The following PPFIBP1 variants were observed in gnomAD, a reference collection of about 807,000 sequenced individuals.
PPFIBP1 encodes PPFIB scaffold protein 1.
Under a neutral mutation model 137.8 loss-of-function variants are expected in PPFIBP1, and 112 were observed. The observed-to-expected ratio is 0.81, with a 90% CI of 0.70 to 0.95. PPFIBP1 has a LOEUF of 0.95. Ranked by LOEUF, PPFIBP1 falls within the 40% of genes least tolerant of loss-of-function variation. The pLI, the probability that PPFIBP1 is intolerant of heterozygous loss-of-function variation, is 0.00. For missense variants in PPFIBP1, 1,083 were observed against 1,196.6 expected (o/e 0.91, Z 1.40); for synonymous variants, 378 against 417.3 (o/e 0.91, Z 1.15).
Position 27,680,002 on chromosome 12 carries a change from G to T in PPFIBP1, c.1836G>T (p.Gly612=), listed in dbSNP as rs1228771666. 2.5e-6 allele frequency: 4 copies of T among 1,613,994 alleles called. No homozygotes were observed. The highest frequency in any genetic ancestry group is 2.5e-6 in the Non-Finnish European group (3 of 1,179,994). ...CTGAGCCTGAATTCAAAAGAGGAGG[G>T]ACAAGGGCAACCGCGGGGCCCCGAT... ...DMSEPEFKRG[G]TRATAGPRLG... The change falls in exon 21 of 30, where the codon GGG becomes GGT. Residue 612 remains glycine, a synonymous_variant. Coordinates refer to ENST00000228425, the MANE Select transcript of PPFIBP1 (RefSeq NM_003622.4).
intron 27 of PPFIBP1, among the ~76,000 whole-genome samples, chr12:27,691,108 C>A (rs4499042): frequency 2.0e-5 from 3 of 148,694 alleles, no homozygotes; most frequent in South Asian, 2.2e-4. Flanking sequence ...CCAAAAAATT[C>A]TTTTAGCAGT....
At position 27,554,486 on chromosome 12, in the gene PPFIBP1, C is replaced by T. The variant is rs796368530; in HGVS notation, c.-123-23666C>T. On this transcript the variant is annotated intron_variant, in intron 1 of 29. Coordinates refer to ENST00000228425, the MANE Select transcript of PPFIBP1 (RefSeq NM_003622.4). ...TGACAGTCAGAATCCAGAAAATAAT[C>T]CGTACAAACGATGACAATGGTAAAG... Among the ~76,000 whole-genome samples, 7 of 152,238 alleles carry T rather than the reference C, an allele frequency of 4.6e-5. No individual in the cohort carries two copies. The South Asian group carries it at 1.5e-3, about 32-fold the overall frequency.
chr12:27,678,216 CT>C (rs988788563), intron 19 of PPFIBP1, among the ~76,000 whole-genome samples: 11 of 152,086 alleles, frequency 7.2e-5, no homozygotes, highest in African/African-American at 2.7e-4. Flanking sequence ...AACAGTAGCC[CT>C]TGTGTTTGCT....
Position 27,654,553 on chromosome 12 carries a change from A to T in PPFIBP1, c.604-169A>T, listed in dbSNP as rs865898258. The T allele has an allele frequency of 1.1e-4, 91 of 799,056 alleles. No homozygotes were observed. In the African/African-American group the frequency reaches 1.3e-3, roughly 11 times the overall value. 49.5% of individuals were successfully genotyped at this position (799,056 alleles called of 1,614,324 possible). A position where few individuals can be genotyped will look rare whatever the true frequency, so the allele number is the denominator to read the frequency against. ...TTAAAGGAATGTTTTAAATGGAAAGATGCCTTCGTTCTTAAGGAGGTACAT... is the reference window on the plus strand; with the variant it reads ...TTAAAGGAATGTTTTAAATGGAAAGTTGCCTTCGTTCTTAAGGAGGTACAT... On this transcript the variant is annotated intron_variant, in intron 7 of 29. Transcript: ENST00000228425.
In PPFIBP1 at chr12:27,569,625, G is replaced by A. The variant is rs370783015; in HGVS notation, c.-123-8527G>A. Among the ~76,000 whole-genome samples, 26 of 152,132 alleles carry A rather than the reference G, an allele frequency of 1.7e-4. No individual in the cohort carries two copies. The South Asian group carries it at 3.1e-3, about 18-fold the overall frequency. On this transcript the variant is annotated intron_variant, in intron 1 of 29. Transcript: ENST00000228425. ...GGCTGGAGTGCAATGGTACAATCTC[G>A]GCTAACTGCAACCTCTGCCTCCCAG...
intron 2 of PPFIBP1, among the ~76,000 whole-genome samples, chr12:27,585,965 A>G (rs1203936537): frequency 6.6e-6 from 1 of 152,192 alleles, no homozygotes; most frequent in Admixed American, 6.5e-5. Context: ...GATTATAGAG[A>G]GATTCAATGG....
rs1234138149 is a variant in PPFIBP1 at position 27,578,239 on chromosome 12, T to C, written c.-36T>C. ...CAGCTTTAAACCTGCTTTTTAAAAA[T>C]GTAAGTGAACTCACTTCTGGCCATG... On this transcript the variant is annotated splice_region_variant and 5_prime_UTR_variant, in exon 2 of 30. Coordinates refer to ENST00000228425, the MANE Select transcript of PPFIBP1 (RefSeq NM_003622.4). The C allele has an allele frequency of 3.3e-5, 5 of 152,156 alleles. No individual in the cohort carries two copies. Among genetic ancestry groups the C allele is most frequent in the Non-Finnish European group, 7.4e-5 (5 of 68,022 alleles). The allele number at this position is 152,156 out of a possible 1,614,324, so 9.4% of individuals were successfully genotyped here.
intron 12 of PPFIBP1, among the ~76,000 whole-genome samples, chr12:27,664,657 C>T (rs2059750687): frequency 6.6e-6 from 1 of 152,000 alleles, no homozygotes; most frequent in Admixed American, 6.5e-5. Context: ...CGGGGAGTGC[C>T]TCTCTAAGGA....
intron 2 of PPFIBP1, among the ~76,000 whole-genome samples, chr12:27,592,155 C>G (rs7970985): frequency 2.0e-5 from 3 of 152,180 alleles, no homozygotes; most frequent in South Asian, 2.1e-4. Context: ...TGTCCTCACA[C>G]GGGAAATAGC....
intron 4 of PPFIBP1, among the ~76,000 whole-genome samples, chr12:27,641,784 G>A (rs759003060): frequency 3.9e-4 from 60 of 152,214 alleles, no homozygotes; most frequent in Non-Finnish European, 6.9e-4. Context: ...CTAAAAGCAG[G>A]AGGTAAAGAA....
At chr12:27,635,137 T>C in intron 4 of PPFIBP1, 22 bp downstream of exon 4, 1 of 1,612,378 alleles carries the variant, frequency 6.2e-7, no homozygotes, top group South Asian at 1.1e-5. Context: ...CTGTTCCAAA[T>C]TCTGTTATAA....
At position 27,676,443 on chromosome 12, in the gene PPFIBP1, G is replaced by A. The variant is rs754599818; in HGVS notation, c.1426G>A (p.Glu476Lys). 3 of 1,542,058 alleles carry A rather than the reference G, an allele frequency of 1.9e-6. No individual in the cohort carries two copies. In the South Asian group the frequency reaches 3.7e-5, roughly 19 times the overall value. The change falls in exon 18 of 30, where the codon GAA becomes AAA. Residue 476 changes from glutamate (E) to lysine (K), a missense_variant. Coordinates refer to ENST00000228425, the MANE Select transcript of PPFIBP1 (RefSeq NM_003622.4). Reference protein sequence around the residue: ...QKTSEDRAPAESRPFGTLPPR... With the variant: ...QKTSEDRAPAKSRPFGTLPPR... ...TGCCTCTCAGGACAGAGCTCCGGCA[G>A]AAAGCAGGCCATTTGGGACCCTTCC... is the stretch of plus-strand genomic sequence containing the variant.
rs921745826 is a variant in PPFIBP1 at position 27,676,822 on chromosome 12, G to A, written c.1582+223G>A. 19 of 708,304 alleles carry A rather than the reference G, an allele frequency of 2.7e-5. No individual in the cohort carries two copies. The South Asian group carries it at 2.7e-4, about 10-fold the overall frequency. 43.9% of individuals were successfully genotyped at this position (708,304 alleles called of 1,614,324 possible). On this transcript the variant is annotated intron_variant, in intron 18 of 29. Transcript: ENST00000228425. ...CTCTCTCCTGTGGTATAAACTTAGCGGAAAGACCTAAAATCATGATTCCCT... is the reference window on the plus strand; with the variant it reads ...CTCTCTCCTGTGGTATAAACTTAGCAGAAAGACCTAAAATCATGATTCCCT...
At position 27,557,823 on chromosome 12, in the gene PPFIBP1, T is replaced by C. The variant is rs930258679; in HGVS notation, c.-123-20329T>C. ...ATGAAAAATGAGTGATGCAGATGTA[T>C]TGGGGACAAACCTGGAATTACTGGA... is the stretch of plus-strand genomic sequence containing the variant. On this transcript the variant is annotated intron_variant, in intron 1 of 29. Coordinates refer to ENST00000228425, the MANE Select transcript of PPFIBP1 (RefSeq NM_003622.4). Among the ~76,000 whole-genome samples the C allele has an allele frequency of 3.9e-5, 6 of 152,334 alleles. No homozygotes were observed. In the East Asian group the frequency reaches 9.6e-4, roughly 24 times the overall value.
At chr12:27,540,484 G>A (rs1945532514) in intron 1 of PPFIBP1, among the ~76,000 whole-genome samples, 2 of 151,472 alleles carry the variant, frequency 1.3e-5, no homozygotes, top group South Asian at 2.1e-4. Flanking sequence ...GTGATCTTCA[G>A]CCTCACAAAG....
intron 4 of PPFIBP1, among the ~76,000 whole-genome samples, chr12:27,640,386 A>G (rs1235947671): frequency 6.6e-6 from 1 of 152,196 alleles, no homozygotes; most frequent in Non-Finnish European, 1.5e-5. Flanking sequence ...CCTGTCACAC[A>G]TTGCTGGCTT....
intron 2 of PPFIBP1, among the ~76,000 whole-genome samples, chr12:27,624,631 G>C (rs7979681): frequency 2.6e-5 from 4 of 152,048 alleles, no homozygotes; most frequent in African/African-American, 9.7e-5. Context: ...ATTTTGTGGC[G>C]TTTCATTTTA....
chr12:27,683,226 G>C (rs1413505186), intron 24 of PPFIBP1, among the ~76,000 whole-genome samples: 1 of 152,070 alleles, frequency 6.6e-6, no homozygotes, highest in Non-Finnish European at 1.5e-5. Context: ...ACCATACCCA[G>C]CTAATTTTTT....
At position 27,682,622 on chromosome 12, in the gene PPFIBP1, G is replaced by T. The variant is rs1432191423; in HGVS notation, c.2166G>T (p.Leu722Phe). Residue 722 changes from leucine to phenylalanine, a missense_variant, in exon 24 of 30, where the codon TTG becomes TTT. By Grantham distance (22) the Leu-to-Phe change is conservative (BLOSUM62 0). Transcript: ENST00000228425. ...KLDFNWVTRWLDDIGLPQYKT... is the reference protein window; with the variant it reads ...KLDFNWVTRWFDDIGLPQYKT... ...CTGGCCTCTCTCTTTTAGGATGGTT[G>T]GATGACATTGGCCTCCCTCAATATA... The T allele has an allele frequency of 6.2e-7, 1 of 1,614,008 alleles. No individual in the cohort carries two copies. Among genetic ancestry groups the T allele is most frequent in the African/African-American group, 1.3e-5 (1 of 74,922 alleles).
Sources: gnomAD v4.1 joint callset for allele counts (sites outside exome capture counted in the v4.1 genomes callset) on GRCh38, gnomAD v4.1.1 for gene constraint, MANE v1.5 for transcripts, NCBI Gene and HGNC (gene_info 2026-07-23, HGNC 2026-07-21) for gene names.